The following PTPRM variants were observed in gnomAD, a reference collection of about 807,000 sequenced individuals.
PTPRM encodes receptor-type tyrosine-protein phosphatase mu.
In PTPRM, 47 loss-of-function variants were observed where a neutral mutation model predicts 186.7. The ratio of observed to expected loss-of-function variants is 0.25; its 90% CI spans 0.20 to 0.32. The LOEUF (loss-of-function observed/expected upper bound fraction) is 0.32, where lower values mean the gene tolerates loss of function less well. PTPRM is among the 10% of genes least tolerant of loss of function. The pLI is 1.00. For synonymous variants in PTPRM, 668 were observed against 674.9 expected (o/e 0.99, Z 0.16); for missense variants, 1,494 against 1,865.0 (o/e 0.80, Z 3.66).
At chr18:7,865,665 G>A (rs935182944) in intron 2 of PTPRM, among the ~76,000 whole-genome samples, 1 of 152,152 alleles carries the variant, frequency 6.6e-6, no homozygotes, top group Admixed American at 6.5e-5. Context: ...TTGTGTCTCT[G>A]CGAGGTTTTG....
chr18:7,653,599 C>T (rs1261751838), intron 1 of PTPRM, among the ~76,000 whole-genome samples: 1 of 152,140 alleles, frequency 6.6e-6, no homozygotes, highest in Non-Finnish European at 1.5e-5. Context: ...GTGTAGTTTG[C>T]TAAGGATAAT....
intron 4 of PTPRM, among the ~76,000 whole-genome samples, chr18:7,911,644 AAAACATTT>A (rs1460314721): frequency 6.6e-6 from 1 of 152,146 alleles, no homozygotes; most frequent in African/African-American, 2.4e-5. Flanking sequence ...ATATGATTCA[AAAACATTT>A]ACCCCCAATC....
chr18:8,134,290 T>G (rs1051572707), intron 13 of PTPRM, among the ~76,000 whole-genome samples: 3 of 152,208 alleles, frequency 2.0e-5, no homozygotes, highest in Non-Finnish European at 2.9e-5. Context: ...CAAATGCTTC[T>G]TGTGTCTTTT....
intron 7 of PTPRM, among the ~76,000 whole-genome samples, chr18:8,003,314 C>T (rs1211693721): frequency 6.6e-6 from 1 of 152,158 alleles, no homozygotes; most frequent in Non-Finnish European, 1.5e-5. Context: ...GCCTTTGCTT[C>T]CCACCATGAT....
At chr18:8,157,087 C>A (rs1156912705) in intron 14 of PTPRM, among the ~76,000 whole-genome samples, 1 of 152,136 alleles carries the variant, frequency 6.6e-6, no homozygotes. Flanking sequence ...AAAGTGGAGA[C>A]CCTGGGGACA....
chr18:8,384,193 C>T (rs1329212550), intron 29 of PTPRM, among the ~76,000 whole-genome samples: 18 of 152,146 alleles, frequency 1.2e-4, no homozygotes. Context: ...CACAGCATCC[C>T]ACATCCGTAA....
intron 2 of PTPRM, among the ~76,000 whole-genome samples, chr18:7,798,432 G>T (rs977667154): frequency 2.6e-5 from 4 of 152,096 alleles, no homozygotes; most frequent in Admixed American, 2.6e-4. Context: ...AGGAGGCTGA[G>T]GCAGGAGAAT....
rs770771818 is a variant in PTPRM, at chr18:7,844,935, A to G, written c.197-43171A>G. Reference sequence around the variant, plus strand: ...TTGTTAGACAAAATTCACATTCATCAATCTCTTTGATGAATGAGATTCTTT... The same window carrying G: ...TTGTTAGACAAAATTCACATTCATCGATCTCTTTGATGAATGAGATTCTTT... On this transcript the variant is annotated intron_variant, in intron 2 of 32. Coordinates refer to ENST00000580170, the MANE Select transcript of PTPRM (RefSeq NM_001105244.2). Among the ~76,000 whole-genome samples, 18 of 152,144 alleles carry G rather than the reference A, an allele frequency of 1.2e-4. 1 individual carries two copies. The highest frequency in any genetic ancestry group is 2.4e-4 in the Non-Finnish European group (16 of 68,032).
intron 7 of PTPRM, among the ~76,000 whole-genome samples, chr18:7,980,218 A>G (rs530651057): frequency 6.6e-6 from 1 of 151,970 alleles, no homozygotes; most frequent in South Asian, 2.1e-4. Flanking sequence ...TCTGCACCAC[A>G]TCAATCATAA....
chr18:8,375,058 A>G, intron 24 of PTPRM, among the ~76,000 whole-genome samples: 1 of 152,258 alleles, frequency 6.6e-6, no homozygotes, highest in South Asian at 2.1e-4. Flanking sequence ...TTTTCAAAAC[A>G]GTCTTTTGCT....
chr18:7,947,829 A>G (rs973532123), intron 5 of PTPRM, among the ~76,000 whole-genome samples: 2 of 151,802 alleles, frequency 1.3e-5, no homozygotes, highest in African/African-American at 4.8e-5. Flanking sequence ...TCTTTCCTAA[A>G]CCACCCTGGC....
At chr18:8,211,534 G>A (rs1349260465) in intron 14 of PTPRM, among the ~76,000 whole-genome samples, 2 of 143,704 alleles carry the variant, frequency 1.4e-5, no homozygotes, top group African/African-American at 5.0e-5. Context: ...CTCCCGAGTA[G>A]CTGGGATTAC....
At chr18:8,100,789 T>G (rs1202792877) in intron 11 of PTPRM, among the ~76,000 whole-genome samples, 1 of 152,244 alleles carries the variant, frequency 6.6e-6, no homozygotes, top group Non-Finnish European at 1.5e-5. Flanking sequence ...AGCTATGATA[T>G]CATGATTTGC....
At chr18:7,997,691 A>G (rs997632133) in intron 7 of PTPRM, among the ~76,000 whole-genome samples, 8 of 152,184 alleles carry the variant, frequency 5.3e-5, no homozygotes, top group Non-Finnish European at 8.8e-5. Context: ...AACAATAACA[A>G]AAATCTGATT....
chr18:7,787,657 C>T (rs1306231561), intron 2 of PTPRM, among the ~76,000 whole-genome samples: 1 of 152,212 alleles, frequency 6.6e-6, no homozygotes, highest in East Asian at 1.9e-4. Flanking sequence ...ACTCAGATGA[C>T]TGCAGTGGGT....
chr18:8,218,417 G>T (rs2094115004), intron 14 of PTPRM, among the ~76,000 whole-genome samples: 2 of 152,152 alleles, frequency 1.3e-5, no homozygotes, highest in Non-Finnish European at 2.9e-5. Flanking sequence ...CTTGCAGCAA[G>T]CAACTATTGG....
intron 2 of PTPRM, among the ~76,000 whole-genome samples, chr18:7,823,662 C>T (rs915453480): frequency 3.3e-5 from 5 of 152,268 alleles, no homozygotes; most frequent in East Asian, 3.9e-4. Context: ...ATCTTTCTCC[C>T]GTGCTGGAAG....
At chr18:8,326,773 C>G (rs1041022623) in intron 22 of PTPRM, among the ~76,000 whole-genome samples, 2 of 152,172 alleles carry the variant, frequency 1.3e-5, no homozygotes, top group Admixed American at 6.5e-5. Context: ...TGGACCCCTT[C>G]CTTATACCAT....
chr18:7,675,062 A>G (rs2039303719), intron 1 of PTPRM, among the ~76,000 whole-genome samples: 1 of 152,232 alleles, frequency 6.6e-6, no homozygotes, highest in Admixed American at 6.5e-5. Context: ...ATTTGAAACA[A>G]TGTGCTTACC....
Sources: gnomAD v4.1 joint callset for allele counts (sites outside exome capture counted in the v4.1 genomes callset) on GRCh38, gnomAD v4.1.1 for gene constraint, MANE v1.5 for transcripts, NCBI Gene and HGNC (gene_info 2026-07-23, HGNC 2026-07-21) for gene names.